ZIM2: variants seen among roughly 807,000 people sequenced by gnomAD.
ZIM2 encodes zinc finger imprinted 2, also known as zinc finger protein 656.
Under a neutral mutation model 38.6 loss-of-function variants are expected in ZIM2, and 14 were observed. The observed-to-expected ratio is 0.36, with a 90% CI of 0.24 to 0.57. ZIM2 has a LOEUF of 0.57. ZIM2 is among the 20% of genes least tolerant of loss of function. The pLI, the probability that ZIM2 is intolerant of heterozygous loss-of-function variation, is 0.81. For missense variants in ZIM2, 680 were observed against 695.1 expected (o/e 0.98, Z 0.24); for synonymous variants, 247 against 245.8 (o/e 1.00, Z -0.04).
chr19:56,820,649 G>A (rs1260767920), intron 7 of ZIM2, among the ~76,000 whole-genome samples: 1 of 152,184 alleles, frequency 6.6e-6, no homozygotes, highest in Non-Finnish European at 1.5e-5. Flanking sequence ...ATGCCTCCAA[G>A]ACATTTCCCT....
intron 12 of ZIM2, among the ~76,000 whole-genome samples, chr19:56,776,560 C>T (rs1261791168): frequency 6.6e-6 from 1 of 152,196 alleles, no homozygotes; most frequent in Non-Finnish European, 1.5e-5. Flanking sequence ...TCAACAACCT[C>T]TTGTTCAGAA....
chr19:56,832,183 T>C (rs1225981892), intron 2 of ZIM2, among the ~76,000 whole-genome samples: 3 of 152,212 alleles, frequency 2.0e-5, no homozygotes, highest in East Asian at 1.9e-4. Flanking sequence ...AAACTGAATA[T>C]AAAAATGTAA....
chr19:56,804,840 C>T (rs1368497806), intron 9 of ZIM2, among the ~76,000 whole-genome samples: 1 of 152,200 alleles, frequency 6.6e-6, no homozygotes, highest in African/African-American at 2.4e-5. Flanking sequence ...GGTACTAACA[C>T]CAGCCCCATT....
intron 1 of ZIM2, among the ~76,000 whole-genome samples, chr19:56,836,699 T>G (rs750802202): frequency 9.2e-5 from 14 of 152,196 alleles, no homozygotes; most frequent in Non-Finnish European, 1.0e-4. Flanking sequence ...ATGGGCGCAG[T>G]GACTCGCGCC....
At chr19:56,818,578 A>C in intron 8 of ZIM2, 22 bp downstream of exon 8, 1 of 1,613,634 alleles carries the variant, frequency 6.2e-7, no homozygotes, top group Admixed American at 1.7e-5. Flanking sequence ...ACTGGGAGTG[A>C]CTGAGAGAAG....
At chr19:56,824,005 C>T (rs1237579088) in intron 4 of ZIM2, among the ~76,000 whole-genome samples, 1 of 152,174 alleles carries the variant, frequency 6.6e-6, no homozygotes, top group Non-Finnish European at 1.5e-5. Flanking sequence ...CTTTCCCTCT[C>T]CTGACTCAGG....
At chr19:56,816,680 C>T (rs1296067656) in intron 9 of ZIM2, 21 of 1,614,126 alleles carry the variant, frequency 1.3e-5, no homozygotes, top group Non-Finnish European at 1.6e-5. Context: ...TCTTTGTCAT[C>T]CCCAAAGTGG....
At chr19:56,806,130 A>G (rs1194480805) in intron 9 of ZIM2, among the ~76,000 whole-genome samples, 3 of 152,220 alleles carry the variant, frequency 2.0e-5, no homozygotes, top group Non-Finnish European at 2.9e-5. Context: ...AATGTTACCA[A>G]TCAGTGAAGA....
Position 56,825,307 on chromosome 19 carries a change from C to T in ZIM2, c.-150-880G>A, listed in dbSNP as rs1466215671. Among the ~76,000 whole-genome samples the T allele has an allele frequency of 3.3e-5, 5 of 152,218 alleles. No homozygotes were observed. The East Asian group carries it at 9.6e-4, about 29-fold the overall frequency. ...ATTCAAAAATATTAAAAGTACTCAA[C>T]TCTAGGTAATATGACATTATTCCCT... On this transcript the variant is annotated intron_variant, in intron 3 of 12. Coordinates refer to ENST00000629319, the MANE Select transcript of ZIM2 (RefSeq NM_001387356.1).
intron 1 of ZIM2, among the ~76,000 whole-genome samples, chr19:56,838,350 C>A (rs889862351): frequency 6.6e-6 from 1 of 152,192 alleles, no homozygotes; most frequent in Non-Finnish European, 1.5e-5. Flanking sequence ...GCGCAATCAA[C>A]CTCGGGCGCC....
chr19:56,827,416 T>TG (rs2061152837), intron 2 of ZIM2, among the ~76,000 whole-genome samples: 1 of 147,088 alleles, frequency 6.8e-6, no homozygotes, highest in African/African-American at 2.5e-5. Flanking sequence ...AGAAAAACCT[T>TG]AAAAAAAAAA....
At chr19:56,830,517 T>C (rs2061475477) in intron 2 of ZIM2, among the ~76,000 whole-genome samples, 1 of 152,232 alleles carries the variant, frequency 6.6e-6, no homozygotes, top group African/African-American at 2.4e-5. Context: ...AAGATGTTCC[T>C]CTGGAAGTGG....
chr19:56,792,509 C>T (rs1245078000), intron 9 of ZIM2, among the ~76,000 whole-genome samples: 39 of 117,342 alleles, frequency 3.3e-4, no homozygotes, highest in African/African-American at 9.3e-4. Context: ...CTACCCTGGG[C>T]GACAGAGCAA....
Position 56,821,948 on chromosome 19 carries a change from C to T in ZIM2, c.191-194G>A, listed in dbSNP as rs374431176. ...GCCCTACAACAACCCAGACCCAGGG[C>T]AGGGCCAGGGGCCCTGCCTCATCCT... On this transcript the variant is annotated intron_variant, in intron 6 of 12. Transcript: ENST00000629319. Among the ~76,000 whole-genome samples, 84 of 152,022 alleles carry T rather than the reference C, an allele frequency of 5.5e-4. 1 individual carries two copies. The highest frequency in any genetic ancestry group is 2.0e-3 in the African/African-American group (81 of 41,484).
intron 11 of ZIM2, 21 bp from the exon 12 acceptor site, chr19:56,779,493 G>A (rs749439158): frequency 6.2e-7 from 1 of 1,611,664 alleles, no homozygotes. Flanking sequence ...GGAAGACTGA[G>A]AACTCAGGGT....
At chr19:56,815,997 A>G in intron 9 of ZIM2, 1 of 1,587,778 alleles carries the variant, frequency 6.3e-7, no homozygotes, top group South Asian at 1.2e-5. Context: ...GAACTCTCTG[A>G]TGGTTGATAG....
intron 7 of ZIM2, among the ~76,000 whole-genome samples, chr19:56,820,326 G>A (rs1029934135): frequency 1.3e-4 from 20 of 152,178 alleles, no homozygotes; most frequent in Non-Finnish European, 2.6e-4. Flanking sequence ...TTTGCTGCTG[G>A]TGTTACCACC....
At chr19:56,836,700 G>C (rs752657469) in intron 1 of ZIM2, among the ~76,000 whole-genome samples, 1 of 152,176 alleles carries the variant, frequency 6.6e-6, no homozygotes, top group African/African-American at 2.4e-5. Context: ...TGGGCGCAGT[G>C]ACTCGCGCCT....
At chr19:56,794,011 C>G (rs1213211289) in intron 9 of ZIM2, among the ~76,000 whole-genome samples, 2 of 152,124 alleles carry the variant, frequency 1.3e-5, no homozygotes, top group African/African-American at 4.8e-5. Flanking sequence ...TTTCTGAAAA[C>G]TGAGCTACAC....
Sources: gnomAD v4.1 joint callset for allele counts (sites outside exome capture counted in the v4.1 genomes callset) on GRCh38, gnomAD v4.1.1 for gene constraint, MANE v1.5 for transcripts, NCBI Gene and HGNC (gene_info 2026-07-23, HGNC 2026-07-21) for gene names.